FDX2: variants seen among roughly 807,000 people sequenced by gnomAD.
The protein encoded by FDX2 is ferredoxin-2, mitochondrial.
A neutral mutation model predicts 18.5 loss-of-function variants in FDX2; 13 were observed. The observed-to-expected ratio is 0.70, with a 90% CI of 0.46 to 1.12. The LOEUF (loss-of-function observed/expected upper bound fraction) is 1.12, where lower values mean the gene tolerates loss of function less well. Ranked by LOEUF, FDX2 falls within the 50% of genes most tolerant of loss-of-function variation. The pLI is 0.00. For missense variants in FDX2, 238 were observed against 250.4 expected (o/e 0.95, Z 0.34); for synonymous variants, 132 against 106.2 (o/e 1.24, Z -1.49).
Position 10,310,355 on chromosome 19 carries a change from G to C in FDX2, c.*131C>G. 8.0e-7 allele frequency: 1 copy of C among 1,256,436 alleles called. No individual in the cohort carries two copies. The highest frequency in any genetic ancestry group is 2.2e-5 in the Admixed American group (1 of 45,294). The allele number at this position is 1,256,436 out of a possible 1,614,324, so 77.8% of individuals were successfully genotyped here. A position where few individuals can be genotyped will look rare whatever the true frequency, so the allele number is the denominator to read the frequency against. On this transcript the variant is annotated 3_prime_UTR_variant, in exon 5 of 5. Coordinates refer to ENST00000393708, the MANE Select transcript of FDX2 (RefSeq NM_001031734.4). ...GACATGGGACTCTCTCCCAAGCAGG[G>C]GTGTTGTCCTTCACAGGGGCTTCCA...
intron 3 of FDX2, among the ~76,000 whole-genome samples, chr19:10,315,011 G>GA (rs1414673142): frequency 2.0e-5 from 3 of 152,194 alleles, no homozygotes; most frequent in South Asian, 2.1e-4. Flanking sequence ...TGGGGCAGGA[G>GA]AAACGCTTGA....
rs145472725 is a variant in FDX2 at position 10,310,861 on chromosome 19, G to T, written c.396C>A (p.Pro132=). The change falls in exon 4 of 5, where the codon CCC becomes CCA. Residue 132 remains proline, a synonymous_variant. Coordinates refer to ENST00000393708, the MANE Select transcript of FDX2 (RefSeq NM_001031734.4). ...AGGGCTGACCCACTCACCTCTCCTC[G>T]GGAGGAGGCAGGAGATCCAGGTGGT... 3.7e-6 allele frequency: 6 copies of T among 1,613,704 alleles called. No individual in the cohort carries two copies. The highest frequency in any genetic ancestry group is 1.1e-5 in the South Asian group (1 of 91,034).
chr19:10,315,229 C>T (rs1161538266), intron 3 of FDX2, 157 bp downstream of exon 3: 2 of 606,626 alleles, frequency 3.3e-6, no homozygotes, highest in Non-Finnish European at 5.7e-6. Flanking sequence ...CAAATAAGAG[C>T]TTGGCAACAG....
intron 3 of FDX2, among the ~76,000 whole-genome samples, chr19:10,315,030 G>A (rs570677875): frequency 2.0e-5 from 3 of 152,296 alleles, no homozygotes; most frequent in African/African-American, 7.2e-5. Context: ...GAACCCGGGA[G>A]GTGGAGGTTG....
At position 10,315,771 on chromosome 19, in the gene FDX2, G is replaced by A. The variant is rs746117616; in HGVS notation, c.155-12C>T. On this transcript the variant is annotated splice_polypyrimidine_tract_variant and intron_variant, in intron 1 of 4. Transcript: ENST00000393708. ...AGCCGGGCGCGAGCCTGGAAAACACGGTTCGGTGAGCGGCTGCGCCGAGCC... is the reference window on the plus strand; with the variant it reads ...AGCCGGGCGCGAGCCTGGAAAACACAGTTCGGTGAGCGGCTGCGCCGAGCC... The A allele has an allele frequency of 1.9e-6, 3 of 1,603,070 alleles. No homozygotes were observed. Among genetic ancestry groups the A allele is most frequent in the African/African-American group, 1.3e-5 (1 of 74,684 alleles).
rs750830024 is a variant in FDX2, at chr19:10,310,516, G to A, written c.531C>T (p.Tyr177=). ...GGGGCTTGGGGACATGGCCATCCAC[G>A]TAGAAGTTCCTGGTGATCTTGGGCA... Residue 177 remains tyrosine (Y), a synonymous_variant, in exon 5 of 5, where the codon TAC becomes TAT. Coordinates refer to ENST00000393708, the MANE Select transcript of FDX2 (RefSeq NM_001031734.4). The A allele has an allele frequency of 1.2e-5, 19 of 1,614,044 alleles. No individual in the cohort carries two copies. The East Asian group carries it at 2.2e-4, about 19-fold the overall frequency.
Position 10,315,401 on chromosome 19 carries a change from C to T in FDX2, c.301G>A (p.Gly101Arg), listed in dbSNP as rs1190707391. The T allele has an allele frequency of 2.5e-6, 4 of 1,612,854 alleles. No homozygotes were observed. The South Asian group carries it at 4.4e-5, about 18-fold the overall frequency. Residue 101 changes from glycine to arginine, a missense_variant, in exon 3 of 5, where the codon GGG (glycine) becomes AGG (arginine). Transcript: ENST00000393708. ...CGGTTCCTACCTTCCAGGTCCACCC[C>T]GTGGCGCTGGGCCAGGTGAAGAACA...
chr19:10,310,591 C>G lies in FDX2; in HGVS notation c.456G>C (p.Leu152=), dbSNP rs760324760. ...CCGGTGTCAGCACAATCTGGCAGCC[C>G]AGCCGCGAGTTCTCCTGGAGGAGGG... Residue 152 remains leucine (L), a synonymous_variant, in exon 5 of 5, where the codon CTG becomes CTC. Transcript: ENST00000393708. 6.2e-7 allele frequency: 1 copy of G among 1,614,022 alleles called. No individual in the cohort carries two copies. The highest frequency in any genetic ancestry group is 8.5e-7 in the Non-Finnish European group (1 of 1,179,996).
At chr19:10,312,627 G>C (rs2040336051) in intron 3 of FDX2, among the ~76,000 whole-genome samples, 1 of 152,090 alleles carries the variant, frequency 6.6e-6, no homozygotes, top group Non-Finnish European at 1.5e-5. Flanking sequence ...CCGCTTCCCG[G>C]ATTCACGCCA....
rs2040382649 is a variant in FDX2 at position 10,316,014 on chromosome 19, T to G, written c.-9A>C. The stretch of plus-strand genomic sequence containing the variant: ...GCGGCCATGACATGCATCACGTGAC[T>G]CACCGACTGAGCATGCGCCGCGCCA... On this transcript the variant is annotated 5_prime_UTR_variant, in exon 1 of 5. Transcript: ENST00000393708. 8.2e-6 allele frequency: 13 copies of G among 1,593,210 alleles called. No individual in the cohort carries two copies. Among genetic ancestry groups the G allele is most frequent in the Admixed American group, 1.9e-5 (1 of 52,260 alleles).
In FDX2 at chr19:10,315,318, G is replaced by GTT. The variant is rs374084891; in HGVS notation, c.316+67_316+68insAA. On this transcript the variant is annotated intron_variant, in intron 3 of 4. Coordinates refer to ENST00000393708, the MANE Select transcript of FDX2 (RefSeq NM_001031734.4). ...CGTGAAGAGACACACCTAATTTGTG[G>GTT]GTTTTTTTTTTTTTTTTTTTGGACA... The GTT allele has an allele frequency of 0.031, 13,305 of 422,740 alleles. 1,165 individuals carry two copies. Among genetic ancestry groups the GTT allele is most frequent in the South Asian group, 0.041 (1,213 of 29,672 alleles). 26.2% of individuals were successfully genotyped at this position (422,740 alleles called of 1,614,324 possible).
In FDX2 at chr19:10,310,596, G is replaced by T. The variant is rs750821339; in HGVS notation, c.451C>A (p.Arg151=). Residue 151 remains arginine, a synonymous_variant, in exon 5 of 5, where the codon CGG becomes AGG. Coordinates refer to ENST00000393708, the MANE Select transcript of FDX2 (RefSeq NM_001031734.4). ...GTCAGCACAATCTGGCAGCCCAGCC[G>T]CGAGTTCTCCTGGAGGAGGGGGGCC... The T allele has an allele frequency of 1.2e-6, 2 of 1,614,030 alleles. No homozygotes were observed. The highest frequency in any genetic ancestry group is 2.2e-5 in the East Asian group (1 of 44,876).
rs1030507943 is a variant in FDX2 at position 10,310,870 on chromosome 19, CAGG to C, written c.384_386del (p.Leu129del). 6.2e-7 allele frequency: 1 copy of C among 1,613,838 alleles called. No homozygotes were observed. Among genetic ancestry groups the C allele is most frequent in the African/African-American group, 1.3e-5 (1 of 75,010 alleles). On this transcript the variant is annotated inframe_deletion, in exon 4 of 5. Coordinates refer to ENST00000393708, the MANE Select transcript of FDX2 (RefSeq NM_001031734.4). ...CCACTCACCTCTCCTCGGGAGGAGG[CAGG>C]AGATCCAGGTGGTCTTCACTCACAT...
chr19:10,315,653 C>G, intron 2 of FDX2, 52 bp downstream of exon 2: 1 of 1,539,956 alleles, frequency 6.5e-7, no homozygotes, highest in South Asian at 1.2e-5. Flanking sequence ...AAGATGGGGA[C>G]CAGAGGAATT....
chr19:10,310,709 G>C lies in FDX2; in HGVS notation c.405-67C>G, dbSNP rs281418. ...GCTGGGTGGGTGGGGGGCCAGAGGT[G>C]GGGGAGGGAGGAAGCTGACTGAGCG... is the stretch of plus-strand genomic sequence containing the variant. On this transcript the variant is annotated intron_variant, in intron 4 of 4. Coordinates refer to ENST00000393708, the MANE Select transcript of FDX2 (RefSeq NM_001031734.4). 0.19 allele frequency: 249,071 copies of C among 1,289,122 alleles called. 31,991 individuals carry two copies. Among genetic ancestry groups the C allele is most frequent in the Middle Eastern group, 0.25 (987 of 3,980 alleles). The allele number at this position is 1,289,122 out of a possible 1,614,324, so 79.9% of individuals were successfully genotyped here.
rs562761417 is a variant in FDX2 at position 10,310,927 on chromosome 19, G to A, written c.330C>T (p.Ala110=). The A allele has an allele frequency of 6.2e-6, 10 of 1,612,422 alleles. No individual in the cohort carries two copies. The East Asian group carries it at 6.7e-5, about 11-fold the overall frequency. The change falls in exon 4 of 5, where the codon GCC becomes GCT. Residue 110 remains alanine, a synonymous_variant. Coordinates refer to ENST00000393708, the MANE Select transcript of FDX2 (RefSeq NM_001031734.4). ...CATGGCAGGTGGAGCAGGCCAGGGA[G>A]GCTTCACAGGCCCCTAGGGGTGGGA...
chr19:10,315,950 A>G lies in FDX2; in HGVS notation c.56T>C (p.Leu19Pro), dbSNP rs1283054060. 1.9e-6 allele frequency: 3 copies of G among 1,606,510 alleles called. No individual in the cohort carries two copies. The highest frequency in any genetic ancestry group is 1.6e-4 in the Middle Eastern group (1 of 6,064). ...CCACCAGGTGCCCCTGGCAGCCTGC[A>G]GTAGAACCCTGGCACTCACGCCTCC... The change falls in exon 1 of 5, where the codon CTG becomes CCG. Residue 19 changes from leucine (L) to proline (P), a missense_variant. Physicochemically the swap from Leu to Pro is moderately conservative, Grantham distance 98. Transcript: ENST00000393708.
At chr19:10,312,550 A>G (rs1041635164) in intron 3 of FDX2, among the ~76,000 whole-genome samples, 4 of 151,534 alleles carry the variant, frequency 2.6e-5, no homozygotes, top group Non-Finnish European at 4.4e-5. Context: ...TTTTTTTCTT[A>G]GAGATGGAGT....
intron 3 of FDX2, 141 bp downstream of exon 3, chr19:10,315,245 G>A: frequency 1.6e-6 from 1 of 639,246 alleles, no homozygotes; most frequent in Non-Finnish European, 2.7e-6. Flanking sequence ...AACAGATGAG[G>A]CCATGGTGAG....
Sources: gnomAD v4.1 joint callset for allele counts (sites outside exome capture counted in the v4.1 genomes callset) on GRCh38, gnomAD v4.1.1 for gene constraint, MANE v1.5 for transcripts, NCBI Gene and HGNC (gene_info 2026-07-23, HGNC 2026-07-21) for gene names.